The following THUMPD3 variants were observed in gnomAD, a reference collection of about 807,000 sequenced individuals.
THUMPD3 encodes THUMP domain 3 tRNA guanosine methyltransferase, also known as tRNA (guanine(6)-N(2))-methyltransferase THUMP3.
Under a neutral mutation model 54.5 loss-of-function variants are expected in THUMPD3, and 44 were observed. The ratio of observed to expected loss-of-function variants is 0.81; its 90% CI spans 0.63 to 1.04. The LOEUF is 1.04. Among genes scored for constraint, THUMPD3 ranks in the 50% least tolerant of loss-of-function variants. THUMPD3 has a pLI of 0.00. For missense variants in THUMPD3, 604 were observed against 601.3 expected (o/e 1.00, Z -0.05); for synonymous variants, 196 against 201.4 (o/e 0.97, Z 0.23).
chr3:9,370,592 G>A (rs2600181), intron 3 of THUMPD3, among the ~76,000 whole-genome samples: 19,528 of 152,086 alleles, frequency 0.13, 2,162 homozygotes, highest in East Asian at 0.34. Context: ...CTACAGGCAC[G>A]TGCCACCATG....
intron 6 of THUMPD3, among the ~76,000 whole-genome samples, chr3:9,378,867 G>C (rs1440003778): frequency 1.3e-5 from 2 of 152,024 alleles, no homozygotes; most frequent in African/African-American, 4.8e-5. Context: ...GCAGAGTGTT[G>C]TTTTCTAGTA....
intron 4 of THUMPD3, among the ~76,000 whole-genome samples, chr3:9,372,493 T>C (rs1206222790): frequency 6.6e-6 from 1 of 151,784 alleles, no homozygotes; most frequent in Non-Finnish European, 1.5e-5. Flanking sequence ...GGCAGGAGAA[T>C]CACTTGAACC....
rs1371775188 is a variant in THUMPD3 at position 9,386,067 on chromosome 3, A to G, written c.*1379A>G. 2 of 152,206 alleles carry G rather than the reference A, an allele frequency of 1.3e-5. No homozygotes were observed. The highest frequency in any genetic ancestry group is 2.4e-5 in the African/African-American group (1 of 41,444). 9.4% of individuals were successfully genotyped at this position (152,206 alleles called of 1,614,324 possible). A position where few individuals can be genotyped will look rare whatever the true frequency, so the allele number is the denominator to read the frequency against. On this transcript the variant is annotated 3_prime_UTR_variant, in exon 10 of 10. Transcript: ENST00000452837. ...CCTCTTAATACTTTCTGATGTCTCC[A>G]TTGAGAATAAAAGGACACAATACTT...
chr3:9,369,791 T>C (rs1303121022), intron 3 of THUMPD3, among the ~76,000 whole-genome samples: 1 of 152,226 alleles, frequency 6.6e-6, no homozygotes, highest in African/African-American at 2.4e-5. Context: ...GTTTATCCCA[T>C]TGATACTTAT....
chr3:9,371,962 C>T (rs1208889775), intron 4 of THUMPD3, among the ~76,000 whole-genome samples: 1 of 152,176 alleles, frequency 6.6e-6, no homozygotes, highest in Admixed American at 6.5e-5. Flanking sequence ...CTGCAGCCTC[C>T]ACCTTCCTGG....
At chr3:9,383,142 G>T in intron 7 of THUMPD3, 57 bp from the exon 8 acceptor site, 1 of 1,237,756 alleles carries the variant, frequency 8.1e-7, no homozygotes. Context: ...AACAAAAATT[G>T]TTGTAATAAC....
chr3:9,375,254 G>T (rs768844202), intron 5 of THUMPD3, among the ~76,000 whole-genome samples: 1 of 152,218 alleles, frequency 6.6e-6, no homozygotes, highest in Non-Finnish European at 1.5e-5. Context: ...GGAGATAAGA[G>T]TAAATTTTGC....
chr3:9,382,525 T>C (rs1164535653), intron 7 of THUMPD3, among the ~76,000 whole-genome samples: 1 of 152,226 alleles, frequency 6.6e-6, no homozygotes, highest in Non-Finnish European at 1.5e-5. Flanking sequence ...GTTTTTCTTT[T>C]AGGCCTCCTG....
At chr3:9,368,139 A>C (rs1044278698) in intron 3 of THUMPD3, among the ~76,000 whole-genome samples, 5 of 152,198 alleles carry the variant, frequency 3.3e-5, no homozygotes, top group African/African-American at 4.8e-5. Context: ...AGCTTAAAGC[A>C]ATTCTAATGA....
intron 1 of THUMPD3, among the ~76,000 whole-genome samples, chr3:9,364,683 C>T (rs1322118609): frequency 6.6e-6 from 1 of 152,234 alleles, no homozygotes; most frequent in Non-Finnish European, 1.5e-5. Context: ...TTCTTAACAT[C>T]TAGATGCAGA....
intron 6 of THUMPD3, among the ~76,000 whole-genome samples, chr3:9,379,044 C>T (rs781324665): frequency 6.6e-6 from 1 of 151,474 alleles, no homozygotes; most frequent in Non-Finnish European, 1.5e-5. Context: ...AAACCTAAGC[C>T]GATATATGAT....
chr3:9,364,320 T>C (rs2031282385), intron 1 of THUMPD3, among the ~76,000 whole-genome samples: 1 of 150,660 alleles, frequency 6.6e-6, no homozygotes, highest in South Asian at 2.1e-4. Context: ...AGCCCCATAT[T>C]ATTATTATTA....
At chr3:9,376,517 A>G (rs2125324158) in intron 5 of THUMPD3, among the ~76,000 whole-genome samples, 1 of 152,336 alleles carries the variant, frequency 6.6e-6, no homozygotes, top group Non-Finnish European at 1.5e-5. Flanking sequence ...GGCTTGGAGT[A>G]CAGGGTGCTT....
At chr3:9,379,169 A>G (rs1272610803) in intron 6 of THUMPD3, among the ~76,000 whole-genome samples, 1 of 152,018 alleles carries the variant, frequency 6.6e-6, no homozygotes, top group African/African-American at 2.4e-5. Context: ...GTGTTATGCT[A>G]TAAAACCCAA....
In THUMPD3 at chr3:9,371,374, C is replaced by G. The variant is rs370073138; in HGVS notation, c.645C>G (p.Ser215Arg). Residue 215 changes from serine to arginine, a missense_variant, in exon 4 of 10, where the codon AGC becomes AGG. By Grantham distance (110) the Ser-to-Arg change is moderately radical. Coordinates refer to ENST00000452837, the MANE Select transcript of THUMPD3 (RefSeq NM_001114092.2). ...CTTGCAAAGATGAGACTGATGAAAG[C>G]TCAAAAGAAGAAACTGAGCCTCAAG... Reference protein sequence around the residue: ...LASCKDETDESSKEETEPQVL... With the variant: ...LASCKDETDERSKEETEPQVL... 8.1e-6 allele frequency: 13 copies of G among 1,614,140 alleles called. No individual in the cohort carries two copies. Among genetic ancestry groups the G allele is most frequent in the Non-Finnish European group, 1.0e-5 (12 of 1,180,030 alleles).
intron 6 of THUMPD3, among the ~76,000 whole-genome samples, chr3:9,378,686 A>G (rs752656437): frequency 6.6e-6 from 1 of 152,224 alleles, no homozygotes; most frequent in African/African-American, 2.4e-5. Context: ...AAATAATCCA[A>G]ACTGTAATTA....
rs369216660 is a variant in THUMPD3 at position 9,374,510 on chromosome 3, C to T, written c.808-6C>T. The stretch of plus-strand genomic sequence containing the variant: ...AACTATTTTGTCTTGTTCCACTTTG[C>T]TATAGGTTCTTTTGAACATCCATGA... On this transcript the variant is annotated splice_region_variant and splice_polypyrimidine_tract_variant and intron_variant, in intron 4 of 9. Coordinates refer to ENST00000452837, the MANE Select transcript of THUMPD3 (RefSeq NM_001114092.2). 2 of 1,612,866 alleles carry T rather than the reference C, an allele frequency of 1.2e-6. No homozygotes were observed. The highest frequency in any genetic ancestry group is 1.7e-6 in the Non-Finnish European group (2 of 1,179,496).
In THUMPD3 at chr3:9,380,548, A is replaced by G; in HGVS notation, c.1054A>G (p.Asn352Asp). ...SDCFHIAGDN[N>D]PLAVNRAANN... is the part of the protein sequence containing the mutation. ...CTGTTTCCATATTGCTGGTGATAAT[A>G]ATCCACTGGCTGTGAATAGAGCAGC... is the stretch of plus-strand genomic sequence containing the variant. Residue 352 changes from asparagine to aspartate, a missense_variant, in exon 7 of 10, where the codon AAT (asparagine) becomes GAT (aspartate). Physicochemically the swap from Asn to Asp is conservative, Grantham distance 23 (BLOSUM62 1). Transcript: ENST00000452837. 1 of 1,613,780 alleles carries G rather than the reference A, an allele frequency of 6.2e-7. No homozygotes were observed. The highest frequency in any genetic ancestry group is 8.5e-7 in the Non-Finnish European group (1 of 1,179,814).
At chr3:9,367,981 CG>C (rs2031698510) in intron 3 of THUMPD3, among the ~76,000 whole-genome samples, 1 of 151,970 alleles carries the variant, frequency 6.6e-6, no homozygotes. Context: ...AGGAGAATGG[CG>C]TGAACCCGGG....
Sources: gnomAD v4.1 joint callset for allele counts (sites outside exome capture counted in the v4.1 genomes callset) on GRCh38, gnomAD v4.1.1 for gene constraint, MANE v1.5 for transcripts, NCBI Gene and HGNC (gene_info 2026-07-23, HGNC 2026-07-21) for gene names.